CCDC127: variants seen among roughly 807,000 people sequenced by gnomAD.
The protein encoded by CCDC127 is coiled-coil domain containing 127, also known as coiled-coil domain-containing protein 127.
CCDC127 carries 2 observed loss-of-function variants against 4.1 expected under a neutral mutation model. The ratio of observed to expected loss-of-function variants is 0.49; its 90% CI spans 0.20 to 1.53. The LOEUF is 1.53. CCDC127 is among the 40% of genes most tolerant of loss of function. The pLI, the probability that CCDC127 is intolerant of heterozygous loss-of-function variation, is 0.23. For synonymous variants in CCDC127, 98 were observed against 120.4 expected (o/e 0.81, Z 1.22); for missense variants, 271 against 322.9 (o/e 0.84, Z 1.23).
Position 205,466 on chromosome 5 carries a change from A to T in CCDC127, c.614T>A (p.Met205Lys), listed in dbSNP as rs778161816. ...SVDPVAADLE[M>K]AAGLTDIFQH... ...AAATATGTCGGTGAGACCGGCTGCC[A>T]TCTCTAGGTCAGCGGCGACGGGGTC... Residue 205 changes from methionine (M) to lysine (K), a missense_variant, in exon 3 of 3, where the codon ATG (methionine) becomes AAG (lysine). By Grantham distance (95) the Met-to-Lys change is moderately conservative. Coordinates refer to ENST00000296824, the MANE Select transcript of CCDC127 (RefSeq NM_145265.3). 6.2e-7 allele frequency: 1 copy of T among 1,614,108 alleles called. No homozygotes were observed. The highest frequency in any genetic ancestry group is 1.3e-5 in the African/African-American group (1 of 75,060).
At chr5:214,090 G>A (rs1734330901) in intron 2 of CCDC127, 1 of 152,184 alleles carries the variant, frequency 6.6e-6, no homozygotes, top group East Asian at 1.9e-4. Context: ...CAACCCGAAA[G>A]GTTATATACT....
intron 2 of CCDC127, among the ~76,000 whole-genome samples, chr5:213,210 C>T (rs1182230882): frequency 1.1e-5 from 1 of 92,342 alleles, no homozygotes; most frequent in Non-Finnish European, 2.0e-5. Context: ...CGAGACAGCA[C>T]CACACACCCA....
At position 205,926 on chromosome 5, in the gene CCDC127, CTTCT is replaced by C. The variant is rs1197174191; in HGVS notation, c.150_153del (p.Glu51Ter). On this transcript the variant is annotated frameshift_variant, in exon 3 of 3. Coordinates refer to ENST00000296824, the MANE Select transcript of CCDC127 (RefSeq NM_145265.3). LOFTEE classifies it low-confidence loss of function (END_TRUNC). ...CGGTAGGCTTCTCTCTCTTTTTCTA[CTTCT>C]TTCTGGGACTCCCTAGACCAAATCC... 6.2e-7 allele frequency: 1 copy of C among 1,613,546 alleles called. No homozygotes were observed.
At chr5:206,947 T>C (rs73029476) in intron 2 of CCDC127, among the ~76,000 whole-genome samples, 14,601 of 152,076 alleles carry the variant, frequency 0.096, 2,287 homozygotes, top group African/African-American at 0.33. Flanking sequence ...ACCCCTCCCC[T>C]ACTAACTGTG....
At chr5:215,909 T>C (rs1386648466) in intron 2 of CCDC127, 1 of 151,958 alleles carries the variant, frequency 6.6e-6, no homozygotes. Flanking sequence ...GGGATGTAAG[T>C]CTGCATATGA....
intron 2 of CCDC127, among the ~76,000 whole-genome samples, chr5:209,825 A>T (rs1442510462): frequency 6.6e-6 from 1 of 152,264 alleles, no homozygotes; most frequent in African/African-American, 2.4e-5. Context: ...TTCAAAAATC[A>T]ATGCAATCTA....
chr5:206,050 G>C, intron 2 of CCDC127, 92 bp from the exon 3 acceptor site: 3 of 1,204,440 alleles, frequency 2.5e-6, no homozygotes, highest in Non-Finnish European at 3.5e-6. Context: ...TAAGGATAGT[G>C]TTTCAGTAAA....
intron 2 of CCDC127, chr5:214,766 A>C (rs1193361687): frequency 6.6e-6 from 1 of 152,278 alleles, no homozygotes; most frequent in Non-Finnish European, 1.5e-5. Flanking sequence ...ACGGTGGCTC[A>C]CACCTGTAAC....
Position 205,888 on chromosome 5 carries a change from A to C in CCDC127, c.192T>G (p.Ala64=). 1.2e-6 allele frequency: 2 copies of C among 1,614,240 alleles called. No individual in the cohort carries two copies. The highest frequency in any genetic ancestry group is 1.7e-6 in the Non-Finnish European group (2 of 1,180,026). ...TGGCTTCCAGATCCTGTTGAAAAGC[A>C]GCAGTTCTCCGACGGTAGGCTTCTC... The part of the protein sequence containing the change: ...KEREAYRRRT[A]AFQQDLEAKY... Residue 64 remains alanine, a synonymous_variant, in exon 3 of 3, where the codon GCT becomes GCG. Transcript: ENST00000296824.
chr5:207,931 T>C (rs1196015090), intron 2 of CCDC127, among the ~76,000 whole-genome samples: 1 of 152,132 alleles, frequency 6.6e-6, no homozygotes, highest in African/African-American at 2.4e-5. Context: ...CGCACACGGT[T>C]AAACGTCAGA....
At chr5:206,465 C>T (rs996730936) in intron 2 of CCDC127, among the ~76,000 whole-genome samples, 3 of 152,354 alleles carry the variant, frequency 2.0e-5, no homozygotes, top group East Asian at 1.9e-4. Flanking sequence ...TGGAATCTCA[C>T]GAAAACGGGA....
intron 2 of CCDC127, chr5:213,869 T>C (rs1439352844): frequency 6.6e-6 from 1 of 152,206 alleles, no homozygotes; most frequent in Non-Finnish European, 1.5e-5. Flanking sequence ...AATGAAAACT[T>C]ACATCGACAC....
chr5:200,303 A>T lies in CCDC127; in HGVS notation c.*4994T>A, dbSNP rs1734050984. On this transcript the variant is annotated 3_prime_UTR_variant, in exon 3 of 3. Coordinates refer to ENST00000296824, the MANE Select transcript of CCDC127 (RefSeq NM_145265.3). ...AAGCCCTTCGTTTTCTCTTTTCAAG[A>T]TTTCCCATGAAGCTAGCAAAGGCCA... 1 of 152,212 alleles carries T rather than the reference A, an allele frequency of 6.6e-6. No homozygotes were observed. The highest frequency in any genetic ancestry group is 2.4e-5 in the African/African-American group (1 of 41,438). The allele number at this position is 152,212 out of a possible 1,614,324, so 9.4% of individuals were successfully genotyped here. A position where few individuals can be genotyped will look rare whatever the true frequency, so the allele number is the denominator to read the frequency against.
rs1222666381 is a variant in CCDC127 at position 198,692 on chromosome 5, T to C, written c.*6605A>G. The C allele has an allele frequency of 2.0e-5, 3 of 152,288 alleles. No homozygotes were observed. The highest frequency in any genetic ancestry group is 7.2e-5 in the African/African-American group (3 of 41,456). The allele number at this position is 152,288 out of a possible 1,614,324, so 9.4% of individuals were successfully genotyped here. A position where few individuals can be genotyped will look rare whatever the true frequency, so the allele number is the denominator to read the frequency against. On this transcript the variant is annotated 3_prime_UTR_variant, in exon 3 of 3. Transcript: ENST00000296824. ...CTCGCACTTGCTCCTACTGAACTGA[T>C]CGGCCCCATCCTGCATGGCCGTTCA...
chr5:206,503 C>T (rs10068203), intron 2 of CCDC127, among the ~76,000 whole-genome samples: 19,595 of 152,230 alleles, frequency 0.13, 1,328 homozygotes, highest in Admixed American at 0.17. Context: ...CTGGAGGGGG[C>T]ACTGCCCGGC....
rs1733969019 is a variant in CCDC127 at position 197,115 on chromosome 5, T to C, written c.*8182A>G. 1 of 152,074 alleles carries C rather than the reference T, an allele frequency of 6.6e-6. No individual in the cohort carries two copies. Among genetic ancestry groups the C allele is most frequent in the Non-Finnish European group, 1.5e-5 (1 of 68,022 alleles). 9.4% of individuals were successfully genotyped at this position (152,074 alleles called of 1,614,324 possible). A position where few individuals can be genotyped will look rare whatever the true frequency, so the allele number is the denominator to read the frequency against. ...GACGTGCACGTAGGCCAGATTTATG[T>C]TTCTCTCCACCCAAACATCTCAGCA... On this transcript the variant is annotated 3_prime_UTR_variant, in exon 3 of 3. Transcript: ENST00000296824.
At chr5:210,879 C>T (rs1394840349) in intron 2 of CCDC127, among the ~76,000 whole-genome samples, 1 of 88,882 alleles carries the variant, frequency 1.1e-5, no homozygotes, top group Non-Finnish European at 2.1e-5. Flanking sequence ...CACGACGAGA[C>T]AGCACCACAC....
chr5:214,139 G>A (rs1342753763), intron 2 of CCDC127: 1 of 152,216 alleles, frequency 6.6e-6, no homozygotes, highest in Non-Finnish European at 1.5e-5. Flanking sequence ...AAATGACAAA[G>A]TTCTGGAGAT....
rs1421088798 is a variant in CCDC127 at position 203,902 on chromosome 5, T to C, written c.*1395A>G. ...TCCTACCAGGGCCTGTGTGCAAGGC[T>C]GGCCCTTGACTGACATCTGGGAACT... is the stretch of plus-strand genomic sequence containing the variant. On this transcript the variant is annotated 3_prime_UTR_variant, in exon 3 of 3. Coordinates refer to ENST00000296824, the MANE Select transcript of CCDC127 (RefSeq NM_145265.3). The C allele has an allele frequency of 6.6e-6, 1 of 152,278 alleles. No homozygotes were observed. The highest frequency in any genetic ancestry group is 2.4e-5 in the African/African-American group (1 of 41,458). The allele number at this position is 152,278 out of a possible 1,614,324, so 9.4% of individuals were successfully genotyped here.
Sources: gnomAD v4.1 joint callset for allele counts (sites outside exome capture counted in the v4.1 genomes callset) on GRCh38, gnomAD v4.1.1 for gene constraint, MANE v1.5 for transcripts, NCBI Gene and HGNC (gene_info 2026-07-23, HGNC 2026-07-21) for gene names.